TRPM6: variants seen among roughly 807,000 people sequenced by gnomAD.
The protein encoded by TRPM6 is transient receptor potential cation channel subfamily M member 6, also known as channel kinase 2.
In TRPM6, 111 loss-of-function variants were observed where a neutral mutation model predicts 247.6. The observed-to-expected ratio is 0.45, with a 90% CI of 0.38 to 0.52. TRPM6 has a LOEUF of 0.52. TRPM6 is among the 20% of genes least tolerant of loss of function. The probability of loss-of-function intolerance (pLI) is 0.00; values close to 1 mark genes in which losing one functional copy is unlikely to be tolerated. For missense variants in TRPM6, 2,126 were observed against 2,421.5 expected (o/e 0.88, Z 2.56); for synonymous variants, 892 against 853.8 (o/e 1.04, Z -0.78).
At chr9:74,835,915 A>T (rs1829706304) in intron 5 of TRPM6, among the ~76,000 whole-genome samples, 2 of 152,052 alleles carry the variant, frequency 1.3e-5, no homozygotes, top group South Asian at 4.1e-4. Context: ...CCCCCAGGAG[A>T]CTGGTACATC....
At chr9:74,801,755 G>GA in intron 16 of TRPM6, 143 bp downstream of exon 16, 1 of 1,025,376 alleles carries the variant, frequency 9.8e-7, no homozygotes, top group African/African-American at 1.6e-5. Context: ...TAGAATACCT[G>GA]AAGACCCTTT....
At chr9:74,876,860 A>T (rs1303447388) in intron 1 of TRPM6, among the ~76,000 whole-genome samples, 1 of 152,244 alleles carries the variant, frequency 6.6e-6, no homozygotes, top group Non-Finnish European at 1.5e-5. Context: ...TAGAAACTGT[A>T]TACTAACTTT....
At chr9:74,771,434 C>G (rs1240615857) in intron 25 of TRPM6, among the ~76,000 whole-genome samples, 2 of 142,872 alleles carry the variant, frequency 1.4e-5, no homozygotes, top group African/African-American at 3.1e-5. Flanking sequence ...CACACACACA[C>G]GCGCGCGCGC....
At chr9:74,860,418 G>A (rs916050037) in intron 1 of TRPM6, among the ~76,000 whole-genome samples, 1 of 151,974 alleles carries the variant, frequency 6.6e-6, no homozygotes, top group African/African-American at 2.4e-5. Context: ...CTGCAATCTG[G>A]CGCAATCTCG....
intron 36 of TRPM6, among the ~76,000 whole-genome samples, chr9:74,734,721 G>A (rs1023097427): frequency 3.9e-5 from 6 of 152,100 alleles, no homozygotes; most frequent in Admixed American, 6.5e-5. Context: ...CTTATCACTA[G>A]TAAAATCATG....
intron 1 of TRPM6, among the ~76,000 whole-genome samples, chr9:74,886,905 C>T (rs999854633): frequency 1.3e-5 from 2 of 152,220 alleles, no homozygotes; most frequent in African/African-American, 4.8e-5. Context: ...CTTATCAGAG[C>T]AGGCTGAAAT....
chr9:74,747,646 A>G (rs1826094893), intron 31 of TRPM6, among the ~76,000 whole-genome samples: 1 of 152,240 alleles, frequency 6.6e-6, no homozygotes, highest in African/African-American at 2.4e-5. Flanking sequence ...TCTCATTCAC[A>G]CAGAAAATGG....
chr9:74,812,365 T>G lies in TRPM6; in HGVS notation c.1377A>C (p.Leu459Phe). Reference protein sequence around the residue: ...VMDRVDFVKLLIEYGVNLHRF... With the variant: ...VMDRVDFVKLFIEYGVNLHRF... ...GATGGAGGTTCACTCCATATTCTAT[T>G]AAGAGCTTCACAAAATCCACCCGAT... is the stretch of plus-strand genomic sequence containing the variant. The change falls in exon 12 of 39, where the codon TTA becomes TTC. Residue 459 changes from leucine to phenylalanine, a missense_variant. By Grantham distance (22) the Leu-to-Phe change is conservative. This residue lies in a region of TRPM6 where 1,082 missense variants were observed against 1,307.9 expected (regional missense o/e 0.83). Coordinates refer to ENST00000360774, the MANE Select transcript of TRPM6 (RefSeq NM_017662.5). 6.2e-7 allele frequency: 1 copy of G among 1,614,008 alleles called. No homozygotes were observed. The highest frequency in any genetic ancestry group is 8.5e-7 in the Non-Finnish European group (1 of 1,179,954).
In TRPM6 at chr9:74,808,126, C is replaced by T. The variant is rs1292224027; in HGVS notation, c.1546G>A (p.Val516Ile). The T allele has an allele frequency of 2.5e-6, 4 of 1,613,862 alleles. No individual in the cohort carries two copies. The highest frequency in any genetic ancestry group is 2.2e-5 in the East Asian group (1 of 44,858). The change falls in exon 14 of 39, where the codon GTA becomes ATA. Residue 516 changes from valine (V) to isoleucine (I), a missense_variant. Val to Ile is a conservative substitution (Grantham distance 29). Coordinates refer to ENST00000360774, the MANE Select transcript of TRPM6 (RefSeq NM_017662.5). ...YRITLIDIGL[V>I]VEYLIGRAYR... is the part of the protein sequence containing the mutation. ...GCTCTACCAATGAGGTATTCTACTA[C>T]TAATCCAATGTCAATCAAGGTTATT...
chr9:74,868,037 C>T (rs1830907465), intron 1 of TRPM6, among the ~76,000 whole-genome samples: 1 of 151,188 alleles, frequency 6.6e-6, no homozygotes, highest in African/African-American at 2.4e-5. Context: ...GCCTGTAATC[C>T]CAGCTACTCA....
At chr9:74,875,104 C>A (rs1306498304) in intron 1 of TRPM6, 1 of 359,220 alleles carries the variant, frequency 2.8e-6, no homozygotes, top group African/African-American at 2.1e-5. Context: ...ATCTTAGCCT[C>A]TTCCAGTTGC....
intron 24 of TRPM6, 121 bp downstream of exon 24, chr9:74,775,762 A>C: frequency 1.0e-6 from 1 of 988,572 alleles, no homozygotes; most frequent in South Asian, 1.3e-5. Context: ...CTGATATTCT[A>C]TTGTCAGGGA....
At chr9:74,878,298 G>C (rs1248391818) in intron 1 of TRPM6, among the ~76,000 whole-genome samples, 1 of 152,062 alleles carries the variant, frequency 6.6e-6, no homozygotes, top group Non-Finnish European at 1.5e-5. Flanking sequence ...ACCCAAGAAA[G>C]TCACCTGCAG....
intron 25 of TRPM6, among the ~76,000 whole-genome samples, chr9:74,766,019 C>T (rs541753363): frequency 1.3e-5 from 2 of 152,332 alleles, no homozygotes; most frequent in South Asian, 4.1e-4. Flanking sequence ...TATGTATACT[C>T]TCTTCCAAAT....
chr9:74,852,681 C>T (rs1296112502), intron 3 of TRPM6, among the ~76,000 whole-genome samples: 2 of 152,316 alleles, frequency 1.3e-5, no homozygotes, highest in Admixed American at 6.5e-5. Context: ...TTGGTGGAGA[C>T]GGGGTTTCGC....
At chr9:74,729,128 G>A (rs1488431663) in intron 37 of TRPM6, among the ~76,000 whole-genome samples, 3 of 152,328 alleles carry the variant, frequency 2.0e-5, no homozygotes, top group African/African-American at 7.2e-5. Context: ...CCACAGAGCA[G>A]AGCACACCAG....
At chr9:74,835,749 G>C (rs1186626740) in intron 5 of TRPM6, among the ~76,000 whole-genome samples, 1 of 152,156 alleles carries the variant, frequency 6.6e-6, no homozygotes, top group Non-Finnish European at 1.5e-5. Context: ...ATTTTGTAGA[G>C]ATTGGATTCC....
chr9:74,747,307 T>C (rs778426103), intron 31 of TRPM6, among the ~76,000 whole-genome samples: 1 of 152,134 alleles, frequency 6.6e-6, no homozygotes, highest in Non-Finnish European at 1.5e-5. Flanking sequence ...AGGAATCAAC[T>C]GCAAAGGAGG....
intron 1 of TRPM6, among the ~76,000 whole-genome samples, chr9:74,883,014 T>C (rs1831411891): frequency 6.6e-6 from 1 of 152,190 alleles, no homozygotes; most frequent in African/African-American, 2.4e-5. Flanking sequence ...ATTAAACAAC[T>C]AAACATTTCC....
Sources: gnomAD v4.1 joint callset for allele counts (sites outside exome capture counted in the v4.1 genomes callset) on GRCh38, gnomAD v4.1.1 for gene constraint, gnomAD v4.1.1 regional missense constraint, MANE v1.5 for transcripts, NCBI Gene and HGNC (gene_info 2026-07-23, HGNC 2026-07-21) for gene names.